C7: variants seen among roughly 807,000 people sequenced by gnomAD.
C7 encodes the protein complement C7.
A neutral mutation model predicts 104.8 loss-of-function variants in C7; 83 were observed. The ratio of observed to expected loss-of-function variants is 0.79; its 90% CI spans 0.66 to 0.95. C7 has a LOEUF of 0.95. Ranked by LOEUF, C7 falls within the 40% of genes least tolerant of loss-of-function variation. The pLI, the probability that C7 is intolerant of heterozygous loss-of-function variation, is 0.00. For synonymous variants in C7, 415 were observed against 360.6 expected, an observed-to-expected ratio of 1.15 and a Z score of -1.71; for missense variants, 1,070 against 1,011.2, an observed-to-expected ratio of 1.06 and a Z score of -0.79.
At chr5:40,934,775 T>G (rs1169899090) in intron 4 of C7, among the ~76,000 whole-genome samples, 1 of 152,206 alleles carries the variant, frequency 6.6e-6, no homozygotes, top group South Asian at 2.1e-4. Context: ...GTGAGTCTTG[T>G]ACATATATTG....
intron 1 of C7, among the ~76,000 whole-genome samples, chr5:40,911,740 CTTTT>C (rs536500122): frequency 7.2e-6 from 1 of 138,636 alleles, no homozygotes; most frequent in Non-Finnish European, 1.6e-5. Context: ...TTCTTTCTTT[CTTTT>C]TTTTTTTTTT....
intron 15 of C7, among the ~76,000 whole-genome samples, chr5:40,973,611 C>T (rs774792917): frequency 3.3e-5 from 5 of 152,208 alleles, no homozygotes; most frequent in African/African-American, 4.8e-5. Context: ...CCTGCCTGTC[C>T]TGATGTGCTG....
rs757071760 is a variant in C7, at chr5:40,913,817, C to G, written c.6+4201C>G. ...GCCTCAGCCTCCCAAGTAGCTGAGA[C>G]TACAGGTGCGTGCCAACATGCCTGG... On this transcript the variant is annotated intron_variant, in intron 1 of 17. Transcript: ENST00000313164. 2.0e-5 allele frequency among the ~76,000 whole-genome samples: 3 copies of G among 152,116 alleles called. No individual in the cohort carries two copies. In the South Asian group the frequency reaches 6.2e-4, roughly 32 times the overall value.
At chr5:40,927,436 CA>C (rs1210888054) in intron 1 of C7, among the ~76,000 whole-genome samples, 1 of 151,774 alleles carries the variant, frequency 6.6e-6, no homozygotes, top group African/African-American at 2.4e-5. Flanking sequence ...GCAAAGGAGA[CA>C]ATGATCAGTT....
chr5:40,959,617 T>G lies in C7; in HGVS notation c.1658T>G (p.Leu553Trp). The G allele has an allele frequency of 6.3e-7, 1 of 1,590,476 alleles. No homozygotes were observed. Among genetic ancestry groups the G allele is most frequent in the Non-Finnish European group, 8.6e-7 (1 of 1,168,594 alleles). ...TQCEDEELEHLRLLEPHCFPL... is the reference protein window; with the variant it reads ...TQCEDEELEHWRLLEPHCFPL... ...TGCGAAGATGAGGAGCTGGAGCACT[T>G]GAGGTAATGGAGACCCGACCCCCTG... The change falls in exon 12 of 18, where the codon TTG becomes TGG. Residue 553 changes from leucine to tryptophan, a missense_variant. Leu to Trp is a moderately conservative substitution (Grantham distance 61). Transcript: ENST00000313164.
chr5:40,964,953 A>G (rs1412637233), intron 14 of C7, 80 bp downstream of exon 14: 23 of 1,500,886 alleles, frequency 1.5e-5, no homozygotes, highest in East Asian at 2.3e-5. Context: ...AACACTCACC[A>G]TATGGCCCAT....
rs2111636050 is a variant in C7, at chr5:40,926,883, G to T, written c.7-1697G>T. On this transcript the variant is annotated intron_variant, in intron 1 of 17. Transcript: ENST00000313164. ...CAAAATTCTAACATCATTTTTCAAA[G>T]AAATAGAAAAAAATCTTAAAGTTCA... Among the ~76,000 whole-genome samples, 2 of 151,512 alleles carry T rather than the reference G, an allele frequency of 1.3e-5. 1 individual carries two copies. Among genetic ancestry groups the T allele is most frequent in the Middle Eastern group, 6.8e-3 (2 of 294 alleles).
chr5:40,955,125 G>A (rs1740259867), intron 9 of C7, among the ~76,000 whole-genome samples: 1 of 151,920 alleles, frequency 6.6e-6, no homozygotes, highest in African/African-American at 2.4e-5. Flanking sequence ...ATTTACATTA[G>A]GGTTCACTCT....
At chr5:40,931,587 A>AG (rs79841815) in intron 3 of C7, among the ~76,000 whole-genome samples, 26,296 of 151,964 alleles carry the variant, frequency 0.17, 2,572 homozygotes, top group East Asian at 0.32. Context: ...CCATGAAAAA[A>AG]ATTTTGCAAA....
At chr5:40,979,529 A>G (rs1247696095) in intron 16 of C7, among the ~76,000 whole-genome samples, 196 bp from the exon 17 acceptor site, 2 of 152,140 alleles carry the variant, frequency 1.3e-5, no homozygotes, top group African/African-American at 4.8e-5. Flanking sequence ...ATGAGTAAAT[A>G]CAAATATCTT....
chr5:40,981,288 A>T, intron 17 of C7, 104 bp from the exon 18 acceptor site: 1 of 1,083,106 alleles, frequency 9.2e-7, no homozygotes, highest in Non-Finnish European at 1.4e-6. Context: ...TCCAGGCAGG[A>T]GCTTCTACAG....
chr5:40,970,483 G>A (rs1407835315), intron 14 of C7, among the ~76,000 whole-genome samples: 1 of 152,160 alleles, frequency 6.6e-6, no homozygotes, highest in African/African-American at 2.4e-5. Context: ...ACACTTTTAT[G>A]TCTGCAAGTT....
intron 12 of C7, among the ~76,000 whole-genome samples, chr5:40,960,939 T>A (rs1740406843): frequency 6.6e-6 from 1 of 152,142 alleles, no homozygotes; most frequent in Non-Finnish European, 1.5e-5. Flanking sequence ...GATGGTAAAG[T>A]GTCAGGATTG....
intron 14 of C7, among the ~76,000 whole-genome samples, chr5:40,966,395 G>A (rs986688170): frequency 1.7e-4 from 25 of 149,008 alleles, no homozygotes; most frequent in African/African-American, 6.0e-4. Context: ...TTTTTGAGAT[G>A]GAGTCTCTCT....
At position 40,937,426 on chromosome 5, in the gene C7, GT is replaced by G. The variant is rs999539998; in HGVS notation, c.429-125del. 8.4e-6 allele frequency: 7 copies of G among 835,814 alleles called. No individual in the cohort carries two copies. In the African/African-American group the frequency reaches 1.2e-4, roughly 14 times the overall value. The allele number at this position is 835,814 out of a possible 1,614,324, so 51.8% of individuals were successfully genotyped here. A position where few individuals can be genotyped will look rare whatever the true frequency, so the allele number is the denominator to read the frequency against. The stretch of plus-strand genomic sequence containing the variant: ...TCTTCATTTGAACTCTCTCAAAGAA[GT>G]GTTTAAGTGTAATGCATTTTAAGAA... On this transcript the variant is annotated intron_variant, in intron 5 of 17. Coordinates refer to ENST00000313164, the MANE Select transcript of C7 (RefSeq NM_000587.4).
At chr5:40,920,660 T>C (rs927192311) in intron 1 of C7, among the ~76,000 whole-genome samples, 12 of 151,882 alleles carry the variant, frequency 7.9e-5, no homozygotes, top group African/African-American at 2.9e-4. Context: ...GTCCTAACGA[T>C]AGCAATTAGG....
At chr5:40,920,536 T>TAAAA (rs555616278) in intron 1 of C7, among the ~76,000 whole-genome samples, 1 of 121,728 alleles carries the variant, frequency 8.2e-6, no homozygotes, top group African/African-American at 3.1e-5. Context: ...GTTCTCCCAT[T>TAAAA]AAAAAAAAAA....
At chr5:40,914,553 AAG>A (rs1244653037) in intron 1 of C7, among the ~76,000 whole-genome samples, 3 of 152,182 alleles carry the variant, frequency 2.0e-5, no homozygotes, top group Admixed American at 1.3e-4. Context: ...CAATGTCCAG[AAG>A]AGTTTTCCCT....
Position 40,937,587 on chromosome 5 carries a change from T to A in C7, c.464T>A (p.Val155Asp). The change falls in exon 6 of 18, where the codon GTC becomes GAC. Residue 155 changes from valine (V) to aspartate (D), a missense_variant. Coordinates refer to ENST00000313164, the MANE Select transcript of C7 (RefSeq NM_000587.4). The part of the protein sequence containing the change: ...NELTGQFRNR[V>D]INTKSFGGQC... ...CTCACTGGCCAGTTTAGGAACAGAG[T>A]CATCAATACCAAAAGTTTTGGTGGT... 1 of 1,612,262 alleles carries A rather than the reference T, an allele frequency of 6.2e-7. No individual in the cohort carries two copies. Among genetic ancestry groups the A allele is most frequent in the Non-Finnish European group, 8.5e-7 (1 of 1,178,956 alleles).
Sources: allele counts gnomAD v4.1 joint callset (sites outside exome capture counted in the v4.1 genomes callset), GRCh38; gene constraint gnomAD v4.1.1; transcripts MANE v1.5; gene names NCBI Gene and HGNC (gene_info 2026-07-23, HGNC 2026-07-21).